The following CNTN5 variants were observed in gnomAD, a reference collection of about 807,000 sequenced individuals.
The protein encoded by CNTN5 is contactin-5.
CNTN5 carries 77 observed loss-of-function variants against 129.1 expected under a neutral mutation model. The ratio of observed to expected loss-of-function variants is 0.60; its 90% CI spans 0.50 to 0.72. The LOEUF (loss-of-function observed/expected upper bound fraction) is 0.72, where lower values mean the gene tolerates loss of function less well. CNTN5 is among the 30% of genes least tolerant of loss of function. The probability of loss-of-function intolerance (pLI) is 0.00; values close to 1 mark genes in which losing one functional copy is unlikely to be tolerated. For missense variants in CNTN5, 1,478 were observed against 1,328.8 expected (o/e 1.11, Z -1.75); for synonymous variants, 509 against 465.6 (o/e 1.09, Z -1.20).
intron 1 of CNTN5, among the ~76,000 whole-genome samples, chr11:99,318,205 G>T (rs1212818922): frequency 6.6e-6 from 1 of 152,102 alleles, no homozygotes; most frequent in Non-Finnish European, 1.5e-5. Context: ...AAAGCCAAAA[G>T]GACAGAAGAA....
intron 18 of CNTN5, among the ~76,000 whole-genome samples, chr11:100,282,866 C>A (rs191302844): frequency 4.3e-4 from 65 of 152,338 alleles, no homozygotes; most frequent in Admixed American, 1.9e-3. Flanking sequence ...GTGGCCACTG[C>A]CACCACAAGC....
At chr11:99,704,047 A>G (rs1027488200) in intron 3 of CNTN5, among the ~76,000 whole-genome samples, 9 of 149,046 alleles carry the variant, frequency 6.0e-5, no homozygotes, top group South Asian at 2.1e-4. Flanking sequence ...ATATGTGTGT[A>G]TATATATATA....
At chr11:99,370,667 A>C (rs916723514) in intron 2 of CNTN5, among the ~76,000 whole-genome samples, 5 of 152,216 alleles carry the variant, frequency 3.3e-5, no homozygotes, top group Non-Finnish European at 1.5e-5. Flanking sequence ...AATTACAGAA[A>C]TGGAATAGAT....
intron 21 of CNTN5, chr11:100,309,239 C>T (rs1209064133): frequency 2.0e-6 from 2 of 984,702 alleles, no homozygotes; most frequent in African/African-American, 1.7e-5. Flanking sequence ...TTTTCCTCTG[C>T]TTCAGTTCCC....
At chr11:99,711,095 C>A (rs1300595163) in intron 3 of CNTN5, among the ~76,000 whole-genome samples, 1 of 151,862 alleles carries the variant, frequency 6.6e-6, no homozygotes, top group Non-Finnish European at 1.5e-5. Flanking sequence ...TTCTAAATTT[C>A]CCGACAGAAT....
intron 1 of CNTN5, among the ~76,000 whole-genome samples, chr11:99,256,521 T>A (rs10893002): frequency 0.32 from 48,597 of 151,874 alleles, 7,952 homozygotes; most frequent in Middle Eastern, 0.37. Context: ...ATGCATTTAT[T>A]TCATAAGGCT....
intron 8 of CNTN5, among the ~76,000 whole-genome samples, chr11:99,959,691 A>C (rs1950891468): frequency 6.6e-6 from 1 of 152,326 alleles, no homozygotes; most frequent in South Asian, 2.1e-4. Flanking sequence ...AAAAGTCATT[A>C]TTTGAGAAGT....
In CNTN5 at chr11:100,224,770, A is replaced by C; in HGVS notation, c.1963A>C (p.Thr655Pro). ...GAGATATGGCTGCAGGGTACAGACC[A>C]CAGCAGACAGTGTGTCAGATGAGGC... ...AGRYGCRVQT[T>P]ADSVSDEAEL... Residue 655 changes from threonine to proline, a missense_variant, in exon 16 of 25, where the codon ACA (threonine) becomes CCA (proline). By Grantham distance (38) the Thr-to-Pro change is conservative (BLOSUM62 -1). Coordinates refer to ENST00000524871, the MANE Select transcript of CNTN5 (RefSeq NM_014361.4). The C allele has an allele frequency of 6.2e-7, 1 of 1,613,168 alleles. No individual in the cohort carries two copies. The highest frequency in any genetic ancestry group is 1.1e-5 in the South Asian group (1 of 91,070).
chr11:99,863,400 G>T (rs955264307), intron 6 of CNTN5, among the ~76,000 whole-genome samples: 2 of 152,074 alleles, frequency 1.3e-5, no homozygotes, highest in African/African-American at 4.8e-5. Flanking sequence ...CAGGGAAAAG[G>T]GATAAAGGAG....
chr11:99,784,793 G>GTTTTTTTT (rs1404257858), intron 3 of CNTN5, among the ~76,000 whole-genome samples: 1 of 85,738 alleles, frequency 1.2e-5, no homozygotes, highest in Admixed American at 1.3e-4. Context: ...GTATCTCATT[G>GTTTTTTTT]TGTTTTTTTT....
chr11:99,895,985 T>C (rs2135930393), intron 6 of CNTN5, among the ~76,000 whole-genome samples: 1 of 152,312 alleles, frequency 6.6e-6, no homozygotes, highest in Middle Eastern at 3.4e-3. Flanking sequence ...ACTCACTGGC[T>C]TGGGTCCCCA....
At chr11:99,711,674 C>T (rs765919149) in intron 3 of CNTN5, among the ~76,000 whole-genome samples, 4 of 151,940 alleles carry the variant, frequency 2.6e-5, no homozygotes, top group Non-Finnish European at 5.9e-5. Flanking sequence ...ATGTCCCCTT[C>T]CCTGTGTCCA....
chr11:99,075,497 C>A (rs1056603159), intron 1 of CNTN5, among the ~76,000 whole-genome samples: 1 of 152,074 alleles, frequency 6.6e-6, no homozygotes, highest in Admixed American at 6.5e-5. Flanking sequence ...TAAAACAAAT[C>A]AAAAGAAATG....
intron 1 of CNTN5, among the ~76,000 whole-genome samples, chr11:99,270,099 C>G (rs1316919554): frequency 6.6e-6 from 1 of 151,688 alleles, no homozygotes; most frequent in Non-Finnish European, 1.5e-5. Context: ...CATTTTAACC[C>G]TACTCCACCA....
chr11:100,099,355 C>T (rs1945138308), intron 13 of CNTN5, among the ~76,000 whole-genome samples: 2 of 152,048 alleles, frequency 1.3e-5, no homozygotes, highest in South Asian at 4.1e-4. Context: ...TTTCCTGATT[C>T]TTAGTTTGAT....
At chr11:99,794,490 A>T (rs1352494390) in intron 3 of CNTN5, among the ~76,000 whole-genome samples, 1 of 152,004 alleles carries the variant, frequency 6.6e-6, no homozygotes, top group Non-Finnish European at 1.5e-5. Context: ...TTATTTTGCA[A>T]ACTTGTTTAT....
chr11:99,022,358 A>G (rs879325981), intron 1 of CNTN5, among the ~76,000 whole-genome samples: 1 of 152,184 alleles, frequency 6.6e-6, no homozygotes, highest in Non-Finnish European at 1.5e-5. Context: ...ACTTATGACC[A>G]TTACAGGGAG....
chr11:99,438,965 G>A (rs926595656), intron 2 of CNTN5, among the ~76,000 whole-genome samples: 8 of 152,090 alleles, frequency 5.3e-5, no homozygotes, highest in African/African-American at 1.9e-4. Context: ...AACAAAATAA[G>A]CAAAATCACA....
chr11:100,220,635 C>G (rs187934316), intron 15 of CNTN5, among the ~76,000 whole-genome samples: 18 of 152,162 alleles, frequency 1.2e-4, no homozygotes, highest in African/African-American at 4.1e-4. Context: ...TTATAGTGCC[C>G]TTCAACAGAT....
Sources: gnomAD v4.1 joint callset for allele counts (sites outside exome capture counted in the v4.1 genomes callset) on GRCh38, gnomAD v4.1.1 for gene constraint, MANE v1.5 for transcripts, NCBI Gene and HGNC (gene_info 2026-07-23, HGNC 2026-07-21) for gene names.